Variants in FBXL18 observed in about 807,000 individuals in gnomAD.
FBXL18 encodes the protein F-box/LRR-repeat protein 18.
In FBXL18, 36 loss-of-function variants were observed where a neutral mutation model predicts 46.0. The observed-to-expected ratio is 0.78, with a 90% confidence interval of 0.60 to 1.03. FBXL18 has a LOEUF of 1.03. Among genes scored for constraint, FBXL18 ranks in the 50% least tolerant of loss-of-function variants. The pLI, the probability that FBXL18 is intolerant of heterozygous loss-of-function variation, is 0.00. For synonymous variants in FBXL18, 557 were observed against 465.3 expected (o/e 1.20, Z -2.54); for missense variants, 977 against 1,004.1 (o/e 0.97, Z 0.36).
In FBXL18 at chr7:5,501,772, C is replaced by T. The variant is rs1367207363; in HGVS notation, c.497G>A (p.Cys166Tyr). ...GFDASQLSSE[C>Y]KATLSRVREL... ...CCGCACGCGGCTCAGGGTGGCCTTGCACTCGCTGCTCAGCTGGCTGGCGTC... is the reference window on the plus strand; with the variant it reads ...CCGCACGCGGCTCAGGGTGGCCTTGTACTCGCTGCTCAGCTGGCTGGCGTC... Residue 166 changes from cysteine to tyrosine, a missense_variant, in exon 3 of 5, where the codon TGC becomes TAC. Cys to Tyr is a radical substitution (Grantham distance 194, BLOSUM62 -2). Transcript: ENST00000382368. The T allele has an allele frequency of 6.4e-7, 1 of 1,559,956 alleles. No individual in the cohort carries two copies.
rs1784605067 is a variant in FBXL18, at chr7:5,513,788, G to A, written c.-114C>T. The A allele has an allele frequency of 2.8e-5, 40 of 1,434,860 alleles. No individual in the cohort carries two copies. Among genetic ancestry groups the A allele is most frequent in the Non-Finnish European group, 3.4e-5 (36 of 1,063,958 alleles). 88.9% of individuals were successfully genotyped at this position (1,434,860 alleles called of 1,614,324 possible). ...CACCGCTCAACCGAGACCCCGGCAA[G>A]GAGCGGGCTCTCGTCACTTCCGGCG... On this transcript the variant is annotated 5_prime_UTR_variant, in exon 1 of 5. Coordinates refer to ENST00000382368, the MANE Select transcript of FBXL18 (RefSeq NM_024963.6).
At chr7:5,463,276 T>C (rs373817017) in intron 4 of FBXL18, among the ~76,000 whole-genome samples, 15 of 151,674 alleles carry the variant, frequency 9.9e-5, no homozygotes, top group African/African-American at 3.6e-4. Flanking sequence ...GACTTAGCAA[T>C]TTTACTTCTA....
intron 1 of FBXL18, among the ~76,000 whole-genome samples, chr7:5,509,413 G>C (rs1784472512): frequency 6.6e-6 from 1 of 152,006 alleles, no homozygotes; most frequent in Non-Finnish European, 1.5e-5. Context: ...AGAAATTTTG[G>C]ACAGGCGCGG....
chr7:5,471,243 C>T (rs1016029482), downstream of FBXL18, among the ~76,000 whole-genome samples: 4 of 152,178 alleles, frequency 2.6e-5, no homozygotes, highest in Non-Finnish European at 4.4e-5. Flanking sequence ...CTTCCGCCCT[C>T]CTCCAGCCAC....
chr7:5,513,698 G>A lies in FBXL18; in HGVS notation c.-24C>T, dbSNP rs1160256497. On this transcript the variant is annotated 5_prime_UTR_variant, in exon 1 of 5. Transcript: ENST00000382368. ...ATGTCGCCGGCGGGTCCGAACCGCG[G>A]CCGCGGGATCCGCAACCCCGTGCCT... is the stretch of plus-strand genomic sequence containing the variant. 3.8e-6 allele frequency: 6 copies of A among 1,597,874 alleles called. No homozygotes were observed. The highest frequency in any genetic ancestry group is 5.1e-6 in the Non-Finnish European group (6 of 1,172,696).
chr7:5,465,115 C>T (rs574676300), intron 4 of FBXL18, among the ~76,000 whole-genome samples: 1 of 152,240 alleles, frequency 6.6e-6, no homozygotes, highest in Non-Finnish European at 1.5e-5. Context: ...AATAAAAGAT[C>T]ATATCGTATC....
At chr7:5,484,577 A>G (rs1036770711) in intron 4 of FBXL18, among the ~76,000 whole-genome samples, 1 of 151,728 alleles carries the variant, frequency 6.6e-6, no homozygotes, top group African/African-American at 2.4e-5. Flanking sequence ...CAGTGGCACA[A>G]TCATAGCTCA....
chr7:5,462,966 AAAAATATATATATATAT>A (rs1476908116), intron 4 of FBXL18, among the ~76,000 whole-genome samples: 1 of 22,720 alleles, frequency 4.4e-5, no homozygotes, highest in Non-Finnish European at 9.5e-5. Flanking sequence ...AAAAAAAAAA[AAAAATATATATATATAT>A]ATATATATAT....
Position 5,481,616 on chromosome 7 carries a change from A to C in FBXL18, c.*159T>G. 1 of 733,854 alleles carries C rather than the reference A, an allele frequency of 1.4e-6. No homozygotes were observed. The highest frequency in any genetic ancestry group is 1.8e-5 in the African/African-American group (1 of 56,872). 45.5% of individuals were successfully genotyped at this position (733,854 alleles called of 1,614,324 possible). On this transcript the variant is annotated 3_prime_UTR_variant, in exon 5 of 5. Coordinates refer to ENST00000382368, the MANE Select transcript of FBXL18 (RefSeq NM_024963.6). The stretch of plus-strand genomic sequence containing the variant: ...ACTTCACAGAGCAACAGTCCCCATG[A>C]GAGAGCCGTGGAGACGCCGGGAGCC...
chr7:5,500,940 T>A lies in FBXL18; in HGVS notation c.1329A>T (p.Ala443=), dbSNP rs753011059. 1 of 1,551,454 alleles carries A rather than the reference T, an allele frequency of 6.4e-7. No individual in the cohort carries two copies. Among genetic ancestry groups the A allele is most frequent in the African/African-American group, 1.4e-5 (1 of 73,096 alleles). The change falls in exon 3 of 5, where the codon GCA becomes GCT. Residue 443 remains alanine (A), a synonymous_variant. Transcript: ENST00000382368. ...CTTTCTTGCCAAAGCCGCGCGGCACTGCGTGCATGGCCGGCTGGGCGGGCG... is the reference window on the plus strand; with the variant it reads ...CTTTCTTGCCAAAGCCGCGCGGCACAGCGTGCATGGCCGGCTGGGCGGGCG... ...DRAPAQPAMH[A]VPRGFGKKVR... is the part of the protein sequence containing the mutation.
chr7:5,505,475 C>T lies in FBXL18; in HGVS notation c.174G>A (p.Lys58=). ...TCTTGTCAAGGCACAGGGCTGCAAGCTTCCGACAGGTACGCCGGACGTTCA... is the reference window on the plus strand; with the variant it reads ...TCTTGTCAAGGCACAGGGCTGCAAGTTTCCGACAGGTACGCCGGACGTTCA... The part of the protein sequence containing the change: ...LILNVRRTCR[K]LAALCLDKSL... The change falls in exon 2 of 5, where the codon AAG becomes AAA. Residue 58 remains lysine (K), a synonymous_variant. Coordinates refer to ENST00000382368, the MANE Select transcript of FBXL18 (RefSeq NM_024963.6). The T allele has an allele frequency of 1.2e-6, 2 of 1,614,180 alleles. No homozygotes were observed. The highest frequency in any genetic ancestry group is 1.7e-6 in the Non-Finnish European group (2 of 1,180,032).
intron 4 of FBXL18, among the ~76,000 whole-genome samples, chr7:5,462,950 C>CAAAAAAAAAAAAAAAAAAAAA (rs138208570): frequency 2.2e-4 from 5 of 22,380 alleles, no homozygotes; most frequent in Admixed American, 6.0e-4. Context: ...GACTTGGTCT[C>CAAAAAAAAAAAAAAAAAAAAA]AAAAAAAAAA....
intron 4 of FBXL18, among the ~76,000 whole-genome samples, chr7:5,486,757 A>T (rs1194754881): frequency 1.3e-5 from 2 of 152,222 alleles, no homozygotes; most frequent in Non-Finnish European, 2.9e-5. Context: ...CAAAAAAGGC[A>T]GCGCGGTCAC....
At chr7:5,491,750 C>A (rs540666735) in intron 3 of FBXL18, among the ~76,000 whole-genome samples, 252 of 152,342 alleles carry the variant, frequency 1.7e-3, no homozygotes, top group African/African-American at 5.7e-3. Context: ...TGTCCGCAGC[C>A]TGCCTGGTGC....
chr7:5,502,833 GA>G (rs55824263), intron 2 of FBXL18, among the ~76,000 whole-genome samples: 91,336 of 134,796 alleles, frequency 0.68, 30,233 homozygotes, highest in East Asian at 0.85. Flanking sequence ...TCTCAAAAAA[GA>G]AAAAAAAAAA....
rs1307618268 is a variant in FBXL18, at chr7:5,480,546, A to ATTT, written c.*1228_*1229insAAA. 4 of 55,414 alleles carry ATTT rather than the reference A, an allele frequency of 7.2e-5. No individual in the cohort carries two copies. The highest frequency in any genetic ancestry group is 5.5e-4 in the Admixed American group (2 of 3,608). 3.4% of individuals were successfully genotyped at this position (55,414 alleles called of 1,614,324 possible). On this transcript the variant is annotated 3_prime_UTR_variant, in exon 5 of 5. Coordinates refer to ENST00000382368, the MANE Select transcript of FBXL18 (RefSeq NM_024963.6). ...GTGTTGAATATATATATATATATAT[A>ATTT]TATTTTTTTTTTTTTTTTTTTTTTT...
Position 5,502,196 on chromosome 7 carries a change from G to A in FBXL18, c.238-165C>T, listed in dbSNP as rs565549654. Reference sequence around the variant, plus strand: ...CCCGCACTCTGACCTGGAGCCAAGAGTCCCCAGCTAAGTGGGACTGGTAGA... The same window carrying A: ...CCCGCACTCTGACCTGGAGCCAAGAATCCCCAGCTAAGTGGGACTGGTAGA... On this transcript the variant is annotated intron_variant, in intron 2 of 4. Transcript: ENST00000382368. Among the ~76,000 whole-genome samples, 861 of 152,296 alleles carry A rather than the reference G, an allele frequency of 5.7e-3. 10 individuals carry two copies. Among genetic ancestry groups the A allele is most frequent in the Non-Finnish European group, 9.3e-3 (631 of 67,994 alleles).
At chr7:5,503,927 A>G (rs1317177776) in intron 2 of FBXL18, among the ~76,000 whole-genome samples, 1 of 151,126 alleles carries the variant, frequency 6.6e-6, no homozygotes, top group African/African-American at 2.4e-5. Context: ...AGATAGTACC[A>G]CTGCACTCTA....
intron 1 of FBXL18, among the ~76,000 whole-genome samples, chr7:5,509,701 C>CA (rs761762119): frequency 0.018 from 1,200 of 65,246 alleles, 44 homozygotes; most frequent in African/African-American, 0.048. Context: ...GATTCCATCT[C>CA]AAAAAAAAAA....
Sources: allele counts gnomAD v4.1 joint callset (sites outside exome capture counted in the v4.1 genomes callset), GRCh38; gene constraint gnomAD v4.1.1; transcripts MANE v1.5; gene names NCBI Gene and HGNC (gene_info 2026-07-23, HGNC 2026-07-21).